KCNA6: variants seen among roughly 807,000 people sequenced by gnomAD.
KCNA6 encodes the protein potassium voltage-gated channel subfamily A member 6.
A neutral mutation model predicts 29.5 loss-of-function variants in KCNA6; 17 were observed. That is an observed-to-expected ratio of 0.58 (90% CI 0.39 to 0.86). The LOEUF is 0.86. KCNA6 is among the 40% of genes least tolerant of loss of function. The pLI, the probability that KCNA6 is intolerant of heterozygous loss-of-function variation, is 0.00. For missense variants in KCNA6, 450 were observed against 703.4 expected (o/e 0.64, Z 4.07); for synonymous variants, 296 against 304.7 (o/e 0.97, Z 0.30).
At position 4,810,747 on chromosome 12, in the gene KCNA6, C is replaced by G. The variant is rs777853695; in HGVS notation, c.706C>G (p.His236Asp). 6.2e-7 allele frequency: 1 copy of G among 1,607,874 alleles called. No individual in the cohort carries two copies. ...TGAAGACGATTCCTACACATTTCAT[C>G]ATGGCATCACCCCTGGGGAAATGGG... The change falls in exon 1 of 1, where the codon CAT becomes GAT. Residue 236 changes from histidine (H) to aspartate (D), a missense_variant. By Grantham distance (81) the His-to-Asp change is moderately conservative. Around this residue, in one of 7 missense-constraint regions of KCNA6, gnomAD observed 74 missense variants for 71.5 expected, o/e 1.03. Coordinates refer to ENST00000280684, the Ensembl canonical transcript of KCNA6. The surrounding 1 kb of genome is among the most constrained non-coding windows in gnomAD (Gnocchi z 7.5).
the KCNA6 span, among the ~76,000 whole-genome samples, chr12:4,823,723 C>T: frequency 5.3e-5 from 8 of 152,190 alleles, no homozygotes; most frequent in East Asian, 3.9e-4. Flanking sequence ...GCTGAGACTG[C>T]GCCACTGCAC....
chr12:4,849,354 A>G, the KCNA6 span, among the ~76,000 whole-genome samples: 1 of 152,020 alleles, frequency 6.6e-6, no homozygotes, highest in African/African-American at 2.4e-5. Flanking sequence ...TCTTTTCCTG[A>G]ATCACATGTG....
At chr12:4,839,878 C>G in the KCNA6 span, among the ~76,000 whole-genome samples, 1 of 152,102 alleles carries the variant, frequency 6.6e-6, no homozygotes, top group African/African-American at 2.4e-5. Flanking sequence ...GGCTTAAGAC[C>G]AAGTTTGTGT....
At chr12:4,828,790 T>C in the KCNA6 span, among the ~76,000 whole-genome samples, 1 of 152,246 alleles carries the variant, frequency 6.6e-6, no homozygotes, top group African/African-American at 2.4e-5. Context: ...CGTGCTCTTA[T>C]CTGCTAAACT....
chr12:4,819,074 A>G, the KCNA6 span, among the ~76,000 whole-genome samples: 1 of 152,228 alleles, frequency 6.6e-6, no homozygotes, highest in Non-Finnish European at 1.5e-5. Flanking sequence ...ACACGTATGC[A>G]CAGGCACATA....
downstream of KCNA6, among the ~76,000 whole-genome samples, chr12:4,817,903 A>G (rs1317560000): frequency 6.6e-6 from 1 of 152,244 alleles, no homozygotes; most frequent in Non-Finnish European, 1.5e-5. Context: ...AGGAGCGCAG[A>G]CAGACCCTGG....
chr12:4,838,388 C>T, the KCNA6 span, among the ~76,000 whole-genome samples: 3 of 152,170 alleles, frequency 2.0e-5, no homozygotes, highest in Admixed American at 6.5e-5. Context: ...GAGGTGGTAG[C>T]ATGGCACCTT....
the KCNA6 span, chr12:4,850,706 C>T: frequency 2.4e-6 from 1 of 421,228 alleles, no homozygotes; most frequent in Non-Finnish European, 4.8e-6. This position sits in a 1 kb window ranked among gnomAD's most constrained non-coding sequence, Gnocchi z 5.4. Context: ...TCACTAACTA[C>T]ATGTCCTTTT....
At chr12:4,816,285 TG>T, downstream of KCNA6, among the ~76,000 whole-genome samples, 1 of 151,900 alleles carries the variant, frequency 6.6e-6, no homozygotes, top group Admixed American at 6.6e-5. Flanking sequence ...TGTGTGTGTG[TG>T]TGTGTGTGTG....
chr12:4,818,216 T>A (rs923933478), downstream of KCNA6, among the ~76,000 whole-genome samples: 1 of 152,206 alleles, frequency 6.6e-6, no homozygotes, highest in African/African-American at 2.4e-5. Context: ...TTGCGTTGCA[T>A]CCTTCCCACT....
At chr12:4,837,759 C>A in the KCNA6 span, among the ~76,000 whole-genome samples, 1 of 151,996 alleles carries the variant, frequency 6.6e-6, no homozygotes, top group Non-Finnish European at 1.5e-5. Context: ...GTGGACAATG[C>A]AACCCTTTAT....
chr12:4,832,505 G>A, the KCNA6 span, among the ~76,000 whole-genome samples: 1 of 152,158 alleles, frequency 6.6e-6, no homozygotes, highest in East Asian at 1.9e-4. Flanking sequence ...TTTTGAGGGT[G>A]GCTGCAGAGG....
At chr12:4,836,206 C>T in the KCNA6 span, among the ~76,000 whole-genome samples, 15,790 of 151,698 alleles carry the variant, frequency 0.1, 957 homozygotes, top group Non-Finnish European at 0.13. Flanking sequence ...GCCTTGGCCT[C>T]CCAAAGTGCT....
At chr12:4,848,430 GATTT>G in the KCNA6 span, among the ~76,000 whole-genome samples, 7 of 150,106 alleles carry the variant, frequency 4.7e-5, no homozygotes, top group African/African-American at 1.5e-4. Flanking sequence ...CCACTATTCT[GATTT>G]ATTTGTCTAT....
the KCNA6 span, among the ~76,000 whole-genome samples, chr12:4,846,820 C>G: frequency 7.0e-6 from 1 of 142,820 alleles, no homozygotes; most frequent in South Asian, 2.2e-4. Flanking sequence ...GCTCTGTTGC[C>G]CAGGCTGGAG....
At chr12:4,842,619 CAGAG>C in the KCNA6 span, 3 of 152,108 alleles carry the variant, frequency 2.0e-5, no homozygotes, top group East Asian at 3.9e-4. Flanking sequence ...GGCGGCAGGA[CAGAG>C]AGAGAGCAAA....
At position 4,811,700 on chromosome 12, in the gene KCNA6, C is replaced by T. The variant is rs2137574446; in HGVS notation, c.*69C>T. The T allele has an allele frequency of 6.6e-7, 1 of 1,526,428 alleles. No homozygotes were observed. Among genetic ancestry groups the T allele is most frequent in the Non-Finnish European group, 8.9e-7 (1 of 1,127,978 alleles). 94.6% of individuals were successfully genotyped at this position (1,526,428 alleles called of 1,614,324 possible). On this transcript the variant is annotated 3_prime_UTR_variant, in exon 1 of 1. Coordinates refer to ENST00000280684, the Ensembl canonical transcript of KCNA6. The surrounding 1 kb of genome is among the most constrained non-coding windows in gnomAD (Gnocchi z 7.1). ...GTCTCTTAGGCTTCCTTCTCATTTCCACTACTCACTCTAGCTTCAGTTGAC... is the reference window on the plus strand; with the variant it reads ...GTCTCTTAGGCTTCCTTCTCATTTCTACTACTCACTCTAGCTTCAGTTGAC...
At chr12:4,833,609 G>A in the KCNA6 span, among the ~76,000 whole-genome samples, 3 of 152,244 alleles carry the variant, frequency 2.0e-5, no homozygotes, top group African/African-American at 7.2e-5. Context: ...AGCCAATGAT[G>A]TTAGGGCTTG....
Position 4,810,215 on chromosome 12 carries a change from C to G in KCNA6, c.174C>G (p.Thr58=), listed in dbSNP as rs143587603. 153 of 1,613,642 alleles carry G rather than the reference C, an allele frequency of 9.5e-5. No individual in the cohort carries two copies. The highest frequency in any genetic ancestry group is 1.3e-4 in the East Asian group (6 of 44,878). The stretch of plus-strand genomic sequence containing the variant: ...TGCGCTTTGAGACACAATTGCGCAC[C>G]CTGTCGCTGTTTCCGGACACGCTGC... Residue 58 remains threonine, a synonymous_variant, in exon 1 of 1, where the codon ACC becomes ACG. Coordinates refer to ENST00000280684, the Ensembl canonical transcript of KCNA6. This position sits in a 1 kb window ranked among gnomAD's most constrained non-coding sequence, Gnocchi z 7.5.
Sources: allele counts gnomAD v4.1 joint callset (sites outside exome capture counted in the v4.1 genomes callset), GRCh38; gene constraint gnomAD v4.1.1; regional missense constraint gnomAD v4.1.1; non-coding constraint Gnocchi (gnomAD v3.1); transcripts MANE v1.5; gene names NCBI Gene and HGNC (gene_info 2026-07-23, HGNC 2026-07-21).